Variants in AGPAT3 observed in about 807,000 individuals in gnomAD.
AGPAT3 encodes 1-acylglycerol-3-phosphate O-acyltransferase 3.
AGPAT3 carries 5 observed loss-of-function variants against 47.3 expected under a neutral mutation model. The ratio of observed to expected loss-of-function variants is 0.11; its 90% CI spans 0.06 to 0.22. The LOEUF (loss-of-function observed/expected upper bound fraction) is 0.22, where lower values mean the gene tolerates loss of function less well. AGPAT3 is among the 10% of genes least tolerant of loss of function. The pLI is 1.00. For synonymous variants in AGPAT3, 212 were observed against 208.3 expected (o/e 1.02, Z -0.15); for missense variants, 315 against 493.0 (o/e 0.64, Z 3.42).
chr21:43,962,175 T>G (rs763457511), intron 3 of AGPAT3, among the ~76,000 whole-genome samples: 9 of 152,064 alleles, frequency 5.9e-5, no homozygotes, highest in African/African-American at 1.2e-4. Context: ...TAATTTTTTT[T>G]GTATTTTTAG....
At chr21:43,901,597 A>G (rs558680034) in intron 1 of AGPAT3, among the ~76,000 whole-genome samples, 1 of 152,080 alleles carries the variant, frequency 6.6e-6, no homozygotes, top group Non-Finnish European at 1.5e-5. Context: ...ACCCTGGACA[A>G]CCCCATCTGT....
chr21:43,915,669 C>G (rs536626350), intron 2 of AGPAT3, among the ~76,000 whole-genome samples: 1 of 152,028 alleles, frequency 6.6e-6, no homozygotes, highest in African/African-American at 2.4e-5. Context: ...GCGTTGGTCT[C>G]CCAGAGTGCT....
At chr21:43,868,086 T>G (rs867661039) in intron 1 of AGPAT3, among the ~76,000 whole-genome samples, 12 of 152,376 alleles carry the variant, frequency 7.9e-5, no homozygotes, top group Middle Eastern at 3.4e-3. Flanking sequence ...CATGTTTTGA[T>G]TATCTTTGTC....
chr21:43,873,542 T>C (rs1465196637), intron 1 of AGPAT3, among the ~76,000 whole-genome samples: 1 of 152,114 alleles, frequency 6.6e-6, no homozygotes, highest in Non-Finnish European at 1.5e-5. Flanking sequence ...CACGCCTGGC[T>C]AATTTTTGCA....
chr21:43,904,726 C>T (rs561744111), intron 2 of AGPAT3, among the ~76,000 whole-genome samples: 5 of 152,170 alleles, frequency 3.3e-5, no homozygotes, highest in Non-Finnish European at 7.4e-5. Flanking sequence ...GTGTTCCACC[C>T]CCGTTCCCAG....
intron 7 of AGPAT3, among the ~76,000 whole-genome samples, chr21:43,972,343 A>T (rs926387504): frequency 6.6e-6 from 1 of 152,086 alleles, no homozygotes; most frequent in African/African-American, 2.4e-5. Context: ...ACAGGGTTTT[A>T]CCATATTGTC....
In AGPAT3 at chr21:43,984,497, T is replaced by A. The variant is rs1230537738; in HGVS notation, c.*2105T>A. On this transcript the variant is annotated 3_prime_UTR_variant, in exon 10 of 10. Coordinates refer to ENST00000291572, the MANE Select transcript of AGPAT3 (RefSeq NM_020132.5). Reference sequence around the variant, plus strand: ...AGAAGTTCCCTCCCTTTGAAATTAATATATAATGTATAAATTCTGCACTGA... The same window carrying A: ...AGAAGTTCCCTCCCTTTGAAATTAAAATATAATGTATAAATTCTGCACTGA... 1 of 152,882 alleles carries A rather than the reference T, an allele frequency of 6.5e-6. No homozygotes were observed. The highest frequency in any genetic ancestry group is 2.4e-5 in the African/African-American group (1 of 41,434). The allele number at this position is 152,882 out of a possible 1,614,324, so 9.5% of individuals were successfully genotyped here. A position where few individuals can be genotyped will look rare whatever the true frequency, so the allele number is the denominator to read the frequency against.
chr21:43,865,922 C>T (rs1389029863), intron 1 of AGPAT3, among the ~76,000 whole-genome samples: 1 of 152,054 alleles, frequency 6.6e-6, no homozygotes, highest in African/African-American at 2.4e-5. Flanking sequence ...CTGCGGGGCC[C>T]GGGGTTGGCT....
rs1313993897 is a variant in AGPAT3, at chr21:43,955,119, G to A, written c.-48-4515G>A. The A allele has an allele frequency of 2.9e-5, 37 of 1,275,102 alleles. No individual in the cohort carries two copies. The highest frequency in any genetic ancestry group is 3.8e-5 in the South Asian group (3 of 79,126). 79.0% of individuals were successfully genotyped at this position (1,275,102 alleles called of 1,614,324 possible). On this transcript the variant is annotated intron_variant, in intron 2 of 9. Coordinates refer to ENST00000291572, the MANE Select transcript of AGPAT3 (RefSeq NM_020132.5). This position sits in a 1 kb window ranked among gnomAD's most constrained non-coding sequence, Gnocchi z 4.1. ...CGTATCACCGTGGCACGTCCATGCCGTGGGGGTCACTCAGCAGCCACGGAT... is the reference window on the plus strand; with the variant it reads ...CGTATCACCGTGGCACGTCCATGCCATGGGGGTCACTCAGCAGCCACGGAT...
intron 1 of AGPAT3, among the ~76,000 whole-genome samples, chr21:43,878,424 G>A (rs1239109482): frequency 6.6e-6 from 1 of 152,240 alleles, no homozygotes; most frequent in Non-Finnish European, 1.5e-5. Flanking sequence ...CCCCCTCGAG[G>A]GAGGGCTGCA....
At chr21:43,885,291 C>G (rs1355593413) in intron 1 of AGPAT3, among the ~76,000 whole-genome samples, 1 of 152,246 alleles carries the variant, frequency 6.6e-6, no homozygotes, top group African/African-American at 2.4e-5. Context: ...CGGAGACTCA[C>G]TTCTCTGCTT....
At chr21:43,937,707 G>A (rs895319995) in intron 2 of AGPAT3, among the ~76,000 whole-genome samples, 8 of 152,180 alleles carry the variant, frequency 5.3e-5, no homozygotes, top group Non-Finnish European at 1.0e-4. Context: ...ACAGGCGTGA[G>A]CCACCATGCC....
chr21:43,904,851 G>A (rs2838428), intron 2 of AGPAT3, among the ~76,000 whole-genome samples: 1 of 152,146 alleles, frequency 6.6e-6, no homozygotes, highest in East Asian at 1.9e-4. Context: ...AAATGCTGTC[G>A]GCAGAGATCA....
At chr21:43,927,079 A>G (rs2087082059) in intron 2 of AGPAT3, among the ~76,000 whole-genome samples, 1 of 151,138 alleles carries the variant, frequency 6.6e-6, no homozygotes, top group African/African-American at 2.4e-5. Flanking sequence ...GAGTGCTGGG[A>G]TTACAGGCAT....
chr21:43,982,510 A>G lies in AGPAT3; in HGVS notation c.*118A>G. ...CTATTTTTCTTATTAACTGGTGACT[A>G]ATATTAACAAAACTTGAGCCAAGAG... On this transcript the variant is annotated 3_prime_UTR_variant, in exon 10 of 10. Coordinates refer to ENST00000291572, the MANE Select transcript of AGPAT3 (RefSeq NM_020132.5). This position sits in a 1 kb window ranked among gnomAD's most constrained non-coding sequence, Gnocchi z 6.2. 6 of 715,972 alleles carry G rather than the reference A, an allele frequency of 8.4e-6. No homozygotes were observed. Among genetic ancestry groups the G allele is most frequent in the Non-Finnish European group, 1.4e-5 (6 of 437,054 alleles). The allele number at this position is 715,972 out of a possible 1,614,324, so 44.4% of individuals were successfully genotyped here. A position where few individuals can be genotyped will look rare whatever the true frequency, so the allele number is the denominator to read the frequency against.
intron 1 of AGPAT3, among the ~76,000 whole-genome samples, chr21:43,897,010 G>C (rs1486794429): frequency 6.8e-6 from 1 of 146,898 alleles, no homozygotes; most frequent in Admixed American, 6.8e-5. Context: ...TGGAGAGGGG[G>C]ATGTGGCAGG....
intron 4 of AGPAT3, 113 bp from the exon 5 acceptor site, chr21:43,969,005 C>A (rs530665610): frequency 3.5e-6 from 4 of 1,150,408 alleles, no homozygotes; most frequent in Non-Finnish European, 4.9e-6. Flanking sequence ...GCCACAAAGC[C>A]GTGACTCCTA....
intron 3 of AGPAT3, chr21:43,966,192 G>T (rs1055678170): frequency 6.6e-6 from 1 of 152,264 alleles, no homozygotes; most frequent in African/African-American, 2.4e-5. Context: ...CTTGCCACAG[G>T]TGACCTTTGG....
At chr21:43,891,808 C>G (rs2086107627) in intron 1 of AGPAT3, among the ~76,000 whole-genome samples, 1 of 152,142 alleles carries the variant, frequency 6.6e-6, no homozygotes, top group South Asian at 2.1e-4. Context: ...ATCCACGTAG[C>G]TTGGAATCAG....
Sources: allele counts gnomAD v4.1 joint callset (sites outside exome capture counted in the v4.1 genomes callset), GRCh38; gene constraint gnomAD v4.1.1; non-coding constraint Gnocchi (gnomAD v3.1); transcripts MANE v1.5; gene names NCBI Gene and HGNC (gene_info 2026-07-23, HGNC 2026-07-21).